The following SGCZ variants were observed in gnomAD, a reference collection of about 807,000 sequenced individuals.
SGCZ encodes the protein zeta-sarcoglycan.
In SGCZ, 40 loss-of-function variants were observed where a neutral mutation model predicts 41.3. That is an observed-to-expected ratio of 0.97 (90% CI 0.75 to 1.26). The LOEUF (loss-of-function observed/expected upper bound fraction) is 1.26. Among genes scored for constraint, SGCZ ranks in the 50% most tolerant of loss-of-function variants. The pLI is 0.00. For missense variants in SGCZ, 552 were observed against 369.8 expected (o/e 1.49, Z -4.04); for synonymous variants, 206 against 137.5 (o/e 1.50, Z -3.49).
At chr8:14,312,403 T>G (rs180834668) in intron 3 of SGCZ, among the ~76,000 whole-genome samples, 5 of 152,272 alleles carry the variant, frequency 3.3e-5, no homozygotes, top group Admixed American at 1.3e-4. Flanking sequence ...CCCACGTACA[T>G]GCAAATATGT....
chr8:14,964,243 A>G (rs1801059741), intron 1 of SGCZ, among the ~76,000 whole-genome samples: 1 of 152,228 alleles, frequency 6.6e-6, no homozygotes, highest in Non-Finnish European at 1.5e-5. Context: ...AGCACAAAAT[A>G]CATTAGCTCA....
intron 1 of SGCZ, among the ~76,000 whole-genome samples, chr8:14,886,872 C>T (rs550475834): frequency 6.6e-6 from 1 of 152,078 alleles, no homozygotes; most frequent in Non-Finnish European, 1.5e-5. Context: ...TGAGAGGCTA[C>T]TGCAATAAAA....
chr8:14,719,000 C>T (rs1448405788), intron 1 of SGCZ, among the ~76,000 whole-genome samples: 2 of 104,350 alleles, frequency 1.9e-5, no homozygotes, highest in Admixed American at 1.2e-4. Context: ...CTATCCCTCC[C>T]CCCTCCCCCC....
chr8:14,591,476 T>C (rs1401269007), intron 1 of SGCZ, among the ~76,000 whole-genome samples: 3 of 152,152 alleles, frequency 2.0e-5, no homozygotes, highest in Admixed American at 6.5e-5. Flanking sequence ...AAAAATATTT[T>C]AAAACCCTGA....
chr8:14,497,209 C>T (rs897367754), intron 2 of SGCZ, among the ~76,000 whole-genome samples: 22 of 152,122 alleles, frequency 1.4e-4, no homozygotes, highest in African/African-American at 4.8e-4. Flanking sequence ...TATCTTGGCT[C>T]ACGGTTCTGC....
chr8:15,031,911 C>A (rs1275039353), intron 1 of SGCZ, among the ~76,000 whole-genome samples: 1 of 148,886 alleles, frequency 6.7e-6, no homozygotes, highest in Non-Finnish European at 1.5e-5. Context: ...TCCTCTCTCT[C>A]TCTCTCTCTC....
chr8:14,790,177 G>A lies in SGCZ; in HGVS notation c.40-235251C>T, dbSNP rs12680690. Among the ~76,000 whole-genome samples the A allele has an allele frequency of 2.0e-3, 299 of 152,284 alleles. 8 individuals are homozygous for A. The East Asian group carries it at 0.049, about 25-fold the overall frequency. On this transcript the variant is annotated intron_variant, in intron 1 of 7. Transcript: ENST00000382080. ...GAAAGACGACTTTCTGAGGGCCAGTGCTTTCAAAGTGGTTTCAAGTCTGTC... is the reference window on the plus strand; with the variant it reads ...GAAAGACGACTTTCTGAGGGCCAGTACTTTCAAAGTGGTTTCAAGTCTGTC...
At chr8:14,728,352 A>T (rs1250111666) in intron 1 of SGCZ, among the ~76,000 whole-genome samples, 1 of 150,416 alleles carries the variant, frequency 6.6e-6, no homozygotes, top group African/African-American at 2.5e-5. Flanking sequence ...ATAGAAAAAA[A>T]AAAAAGTAGA....
intron 5 of SGCZ, among the ~76,000 whole-genome samples, chr8:14,134,405 A>G (rs1292102607): frequency 1.3e-5 from 2 of 152,216 alleles, no homozygotes; most frequent in African/African-American, 4.8e-5. Context: ...CTATACTATG[A>G]AGGCTAAAGA....
At chr8:14,821,301 G>C (rs1802073751) in intron 1 of SGCZ, among the ~76,000 whole-genome samples, 1 of 151,924 alleles carries the variant, frequency 6.6e-6, no homozygotes, top group African/African-American at 2.4e-5. Context: ...GAACAATAAT[G>C]AGAGAGGTAA....
chr8:14,850,222 T>C (rs1320652016), intron 1 of SGCZ, among the ~76,000 whole-genome samples: 3 of 152,224 alleles, frequency 2.0e-5, no homozygotes, highest in East Asian at 3.8e-4. Context: ...TTCATTCAAA[T>C]GTTCATTCAA....
intron 4 of SGCZ, among the ~76,000 whole-genome samples, chr8:14,182,170 G>GA (rs779813449): frequency 1.9e-4 from 29 of 152,228 alleles, no homozygotes; most frequent in South Asian, 4.1e-4. Context: ...AAAATTGGGG[G>GA]AAAGAATGCA....
chr8:14,995,694 G>C (rs914365935), intron 1 of SGCZ, among the ~76,000 whole-genome samples: 1 of 152,244 alleles, frequency 6.6e-6, no homozygotes, highest in East Asian at 1.9e-4. Flanking sequence ...TAAGTTCAGC[G>C]TCTTCACATG....
At chr8:14,609,352 C>G (rs1805854262) in intron 1 of SGCZ, among the ~76,000 whole-genome samples, 1 of 151,996 alleles carries the variant, frequency 6.6e-6, no homozygotes, top group African/African-American at 2.4e-5. Flanking sequence ...TACCTTGGAA[C>G]AGAACCAAAC....
At chr8:15,168,828 G>A (rs1348802383) in intron 1 of SGCZ, among the ~76,000 whole-genome samples, 2 of 152,144 alleles carry the variant, frequency 1.3e-5, no homozygotes, top group African/African-American at 4.8e-5. Context: ...TCCAAACTGG[G>A]AAGAGTTAAT....
intron 1 of SGCZ, among the ~76,000 whole-genome samples, chr8:14,870,859 A>G (rs1429629244): frequency 1.3e-5 from 2 of 152,184 alleles, no homozygotes; most frequent in African/African-American, 4.8e-5. Flanking sequence ...AGAAATTCAA[A>G]TCAAAACCAC....
At chr8:14,150,725 G>C (rs998668098) in intron 5 of SGCZ, among the ~76,000 whole-genome samples, 1 of 152,096 alleles carries the variant, frequency 6.6e-6, no homozygotes, top group African/African-American at 2.4e-5. Context: ...CTACATGCCT[G>C]TGTTTGTTGC....
chr8:15,153,518 AC>A (rs1799239496), intron 1 of SGCZ, among the ~76,000 whole-genome samples: 1 of 152,030 alleles, frequency 6.6e-6, no homozygotes, highest in South Asian at 2.1e-4. Flanking sequence ...TTGAAATGTA[AC>A]CCCCAATGAT....
chr8:14,605,505 T>C (rs77762136), intron 1 of SGCZ, among the ~76,000 whole-genome samples: 1 of 152,128 alleles, frequency 6.6e-6, no homozygotes, highest in African/African-American at 2.4e-5. Context: ...GATCTTTTAA[T>C]CTTTTTCTAT....
Sources: allele counts gnomAD v4.1 joint callset (sites outside exome capture counted in the v4.1 genomes callset), GRCh38; gene constraint gnomAD v4.1.1; transcripts MANE v1.5; gene names NCBI Gene and HGNC (gene_info 2026-07-23, HGNC 2026-07-21).